The following ACAP2 variants were observed in gnomAD, a reference collection of about 807,000 sequenced individuals.
The protein encoded by ACAP2 is ArfGAP with coiled-coil, ankyrin repeat and PH domains 2.
Under a neutral mutation model 115.8 loss-of-function variants are expected in ACAP2, and 39 were observed. That is an observed-to-expected ratio of 0.34 (90% CI 0.26 to 0.44). The LOEUF is 0.44. ACAP2 is among the 20% of genes least tolerant of loss of function. ACAP2 has a pLI of 1.00. For missense variants in ACAP2, 662 were observed against 927.6 expected (o/e 0.71, Z 3.72); for synonymous variants, 289 against 315.8 (o/e 0.92, Z 0.90).
intron 20 of ACAP2, 150 bp from the exon 21 acceptor site, chr3:195,289,381 A>G: frequency 1.5e-6 from 1 of 649,238 alleles, no homozygotes; most frequent in South Asian, 1.8e-5. Context: ...TAACTCTACT[A>G]ACAAAAACTT....
At chr3:195,353,921 A>T (rs1217687089) in intron 4 of ACAP2, among the ~76,000 whole-genome samples, 1 of 152,152 alleles carries the variant, frequency 6.6e-6, no homozygotes, top group Non-Finnish European at 1.5e-5. Context: ...TTTGTTATAC[A>T]GATTATTTCA....
intron 10 of ACAP2, among the ~76,000 whole-genome samples, chr3:195,319,703 A>C (rs979909456): frequency 6.6e-6 from 1 of 152,196 alleles, no homozygotes; most frequent in Admixed American, 6.5e-5. Flanking sequence ...CTTGGAAGTA[A>C]CTAACTTGTT....
chr3:195,322,597 G>A (rs62287070), intron 9 of ACAP2, among the ~76,000 whole-genome samples: 2,850 of 149,978 alleles, frequency 0.019, 48 homozygotes, highest in South Asian at 0.026. Context: ...CTTTTTCTTT[G>A]GGGGAAAAAA....
intron 1 of ACAP2, among the ~76,000 whole-genome samples, chr3:195,405,501 G>A (rs1329104292): frequency 1.3e-5 from 2 of 152,050 alleles, no homozygotes; most frequent in Non-Finnish European, 2.9e-5. Context: ...CCTGATCAAC[G>A]TGGTGAAACC....
chr3:195,379,243 G>C (rs1283363454), intron 4 of ACAP2, among the ~76,000 whole-genome samples: 1 of 151,996 alleles, frequency 6.6e-6, no homozygotes, highest in Non-Finnish European at 1.5e-5. Context: ...CCTTGAATTT[G>C]GCAATGGATT....
chr3:195,365,991 G>A (rs895915104), intron 4 of ACAP2, among the ~76,000 whole-genome samples: 3 of 151,906 alleles, frequency 2.0e-5, no homozygotes, highest in African/African-American at 4.8e-5. Flanking sequence ...ACAGGCACGC[G>A]CCACCACACC....
chr3:195,332,905 A>C (rs1255071117), intron 8 of ACAP2, 123 bp downstream of exon 8: 1 of 602,454 alleles, frequency 1.7e-6, no homozygotes, highest in Non-Finnish European at 2.8e-6. Context: ...TAGATTACCC[A>C]GTCTCAGGCA....
intron 20 of ACAP2, among the ~76,000 whole-genome samples, chr3:195,289,978 C>G (rs1253282277): frequency 6.6e-6 from 1 of 151,852 alleles, no homozygotes; most frequent in Non-Finnish European, 1.5e-5. Context: ...GCTGTACTTG[C>G]AAATATTCAT....
chr3:195,334,937 A>G (rs1730406031), intron 7 of ACAP2, among the ~76,000 whole-genome samples: 1 of 152,166 alleles, frequency 6.6e-6, no homozygotes, highest in African/African-American at 2.4e-5. Context: ...AATATTCATT[A>G]ATAGGTGAAA....
chr3:195,412,979 AGT>A, intron 1 of ACAP2: 1 of 431,612 alleles, frequency 2.3e-6, no homozygotes, highest in South Asian at 1.6e-5. Flanking sequence ...AGGTATTACA[AGT>A]GCTTTTAAGA....
At chr3:195,378,726 T>C (rs903143765) in intron 4 of ACAP2, among the ~76,000 whole-genome samples, 1 of 151,612 alleles carries the variant, frequency 6.6e-6, no homozygotes, top group Non-Finnish European at 1.5e-5. Flanking sequence ...CCAGGCATGG[T>C]GGTACATGCC....
chr3:195,312,986 G>A (rs1472864739), intron 10 of ACAP2: 1 of 152,058 alleles, frequency 6.6e-6, no homozygotes, highest in East Asian at 1.9e-4. Context: ...TGAAAAAACG[G>A]GGCAGGATTA....
At chr3:195,334,461 T>C (rs1324283243) in intron 7 of ACAP2, among the ~76,000 whole-genome samples, 1 of 151,870 alleles carries the variant, frequency 6.6e-6, no homozygotes, top group African/African-American at 2.4e-5. Context: ...AGACAAATGA[T>C]AAACTAGGGA....
chr3:195,378,066 G>A (rs1012446543), intron 4 of ACAP2, among the ~76,000 whole-genome samples: 3 of 151,646 alleles, frequency 2.0e-5, no homozygotes, highest in Admixed American at 6.6e-5. Flanking sequence ...GAGGGAGGGA[G>A]GGAGGGAGGA....
intron 1 of ACAP2, among the ~76,000 whole-genome samples, chr3:195,434,811 C>A (rs754439531): frequency 6.6e-6 from 1 of 152,068 alleles, no homozygotes; most frequent in African/African-American, 2.4e-5. Flanking sequence ...CTTCTTGAGT[C>A]GGTTTCAGTA....
At chr3:195,412,873 T>C (rs1713401684) in intron 1 of ACAP2, 1 of 456,314 alleles carries the variant, frequency 2.2e-6, no homozygotes, top group Non-Finnish European at 4.4e-6. Flanking sequence ...ACTAGAGACT[T>C]AGGAAACAGC....
intron 4 of ACAP2, among the ~76,000 whole-genome samples, chr3:195,377,236 C>G (rs1733616671): frequency 6.8e-6 from 1 of 147,438 alleles, no homozygotes; most frequent in African/African-American, 2.5e-5. Context: ...CCCCAACTTC[C>G]CAGGCTCAAG....
chr3:195,398,779 C>T (rs1168168679), intron 1 of ACAP2, among the ~76,000 whole-genome samples: 4 of 152,132 alleles, frequency 2.6e-5, no homozygotes, highest in East Asian at 3.8e-4. Context: ...ACTGCTCCTA[C>T]GTGCTCAAAT....
chr3:195,342,875 A>AG (rs1343996239), intron 5 of ACAP2, among the ~76,000 whole-genome samples: 1 of 152,078 alleles, frequency 6.6e-6, no homozygotes, highest in East Asian at 1.9e-4. Flanking sequence ...ATGTGCCTGT[A>AG]GTCCCAGTTA....
Sources: allele counts gnomAD v4.1 joint callset (sites outside exome capture counted in the v4.1 genomes callset), GRCh38; gene constraint gnomAD v4.1.1; transcripts MANE v1.5; gene names NCBI Gene and HGNC (gene_info 2026-07-23, HGNC 2026-07-21).